The following CNTNAP1 variants were observed in gnomAD, a reference collection of about 807,000 sequenced individuals.
The protein encoded by CNTNAP1 is contactin associated protein 1, also known as contactin-associated protein 1.
In CNTNAP1, 80 loss-of-function variants were observed where a neutral mutation model predicts 161.5. The observed-to-expected ratio is 0.50, with a 90% CI of 0.41 to 0.60. CNTNAP1 has a LOEUF of 0.60. CNTNAP1 is among the 20% of genes least tolerant of loss of function. CNTNAP1 has a pLI of 0.00. For missense variants in CNTNAP1, 1,464 were observed against 1,854.8 expected (o/e 0.79, Z 3.87); for synonymous variants, 695 against 733.1 (o/e 0.95, Z 0.84).
chr17:42,688,047 G>A (rs1396817003), intron 8 of CNTNAP1, 66 bp downstream of exon 8: 15 of 1,561,458 alleles, frequency 9.6e-6, no homozygotes, highest in African/African-American at 1.4e-5. Flanking sequence ...GAAAGTTGTA[G>A]GCCTGGACTG....
rs1024190097 is a variant in CNTNAP1, at chr17:42,687,359, G to A, written c.1044+313G>A. ...GGCTGAGTAGGGACTTGAACCGATGGCTTCTCTGATATGCCCCCCTCAACC... is the reference window on the plus strand; with the variant it reads ...GGCTGAGTAGGGACTTGAACCGATGACTTCTCTGATATGCCCCCCTCAACC... On this transcript the variant is annotated intron_variant, in intron 7 of 23. Coordinates refer to ENST00000264638, the MANE Select transcript of CNTNAP1 (RefSeq NM_003632.3). This position sits in a 1 kb window ranked among gnomAD's most constrained non-coding sequence, Gnocchi z 4.7. The A allele has an allele frequency of 2.0e-6, 1 of 496,536 alleles. No homozygotes were observed. The highest frequency in any genetic ancestry group is 3.6e-6 in the Non-Finnish European group (1 of 278,960). 30.8% of individuals were successfully genotyped at this position (496,536 alleles called of 1,614,324 possible). A position where few individuals can be genotyped will look rare whatever the true frequency, so the allele number is the denominator to read the frequency against.
chr17:42,690,320 G>A, intron 12 of CNTNAP1, 113 bp downstream of exon 12: 1 of 1,314,660 alleles, frequency 7.6e-7, no homozygotes, highest in African/African-American at 1.5e-5. Context: ...CAGAGGGGAA[G>A]GGCATACTGA....
intron 9 of CNTNAP1, 121 bp downstream of exon 9, chr17:42,688,732 C>T: frequency 6.6e-7 from 1 of 1,513,096 alleles, no homozygotes; most frequent in Non-Finnish European, 9.1e-7. Flanking sequence ...CCTCTGGGGC[C>T]TCAGGGAGTG....
intron 20 of CNTNAP1, among the ~76,000 whole-genome samples, chr17:42,696,550 C>T (rs1214415958): frequency 3.3e-5 from 5 of 152,188 alleles, no homozygotes; most frequent in African/African-American, 1.2e-4. Flanking sequence ...CTCGAACACC[C>T]GACCTCAGAT....
chr17:42,699,951 C>CA lies in CNTNAP1; in HGVS notation c.*1042dup. 6.5e-6 allele frequency: 1 copy of CA among 152,896 alleles called. No individual in the cohort carries two copies. Among genetic ancestry groups the CA allele is most frequent in the East Asian group, 1.9e-4 (1 of 5,282 alleles). 9.5% of individuals were successfully genotyped at this position (152,896 alleles called of 1,614,324 possible). On this transcript the variant is annotated 3_prime_UTR_variant, in exon 24 of 24. Coordinates refer to ENST00000264638, the MANE Select transcript of CNTNAP1 (RefSeq NM_003632.3). Reference sequence around the variant, plus strand: ...AGCAGGGTTGAGCCTGCTGTGCTCTCAGACGCGGAGCCGTTCCAATAAAGC... The same window carrying CA: ...AGCAGGGTTGAGCCTGCTGTGCTCTCAAGACGCGGAGCCGTTCCAATAAAGC...
In CNTNAP1 at chr17:42,691,137, G is replaced by A. The variant is rs2053081172; in HGVS notation, c.2060G>A (p.Gly687Glu). 3 of 1,613,690 alleles carry A rather than the reference G, an allele frequency of 1.9e-6. No individual in the cohort carries two copies. Among genetic ancestry groups the A allele is most frequent in the African/African-American group, 1.3e-5 (1 of 74,948 alleles). Residue 687 changes from glycine (G) to glutamate (E), a missense_variant and splice_region_variant, in exon 14 of 24, where the codon GGA becomes GAA. Coordinates refer to ENST00000264638, the MANE Select transcript of CNTNAP1 (RefSeq NM_003632.3). This position sits in a 1 kb window ranked among gnomAD's most constrained non-coding sequence, Gnocchi z 4.3. ...GAAGCTGCCTGCACCTCTTCCCCAG[G>A]AGGCTACCCCTACAGCTTTTGGATT... is the stretch of plus-strand genomic sequence containing the variant. ...CYNSRLLNTA[G>E]GYPYSFWIGR...
Position 42,688,115 on chromosome 17 carries a change from G to A in CNTNAP1, c.1306+134G>A, listed in dbSNP as rs543598005. On this transcript the variant is annotated intron_variant, in intron 8 of 23. Coordinates refer to ENST00000264638, the MANE Select transcript of CNTNAP1 (RefSeq NM_003632.3). Reference sequence around the variant, plus strand: ...GAAGGGGGCAGGGCAGGAGGCCCCAGGGTACTGGGAAAAGGTGGGAGTGGC... The same window carrying A: ...GAAGGGGGCAGGGCAGGAGGCCCCAAGGTACTGGGAAAAGGTGGGAGTGGC... The A allele has an allele frequency of 6.8e-4, 902 of 1,321,450 alleles. 12 individuals carry two copies. In the African/African-American group the frequency reaches 0.01, roughly 15 times the overall value. The allele number at this position is 1,321,450 out of a possible 1,614,324, so 81.9% of individuals were successfully genotyped here.
chr17:42,694,665 C>T (rs2053131592), intron 18 of CNTNAP1, among the ~76,000 whole-genome samples: 1 of 151,312 alleles, frequency 6.6e-6, no homozygotes, highest in African/African-American at 2.4e-5. Flanking sequence ...TCTCCATCTT[C>T]CCACCATCAC....
In CNTNAP1 at chr17:42,684,247, G is replaced by A. The variant is rs2052976673; in HGVS notation, c.363+18G>A. The A allele has an allele frequency of 3.1e-6, 5 of 1,604,862 alleles. No individual in the cohort carries two copies. Among genetic ancestry groups the A allele is most frequent in the Non-Finnish European group, 4.3e-6 (5 of 1,174,240 alleles). On this transcript the variant is annotated intron_variant, in intron 3 of 23. Transcript: ENST00000264638. The stretch of plus-strand genomic sequence containing the variant: ...ACAACTCGGTACTCTGGGCGCCAAG[G>A]CGGTAACACTTGGGGAGCTTCCTCT...
intron 16 of CNTNAP1, among the ~76,000 whole-genome samples, chr17:42,692,197 A>G (rs1053388801): frequency 5.9e-5 from 9 of 152,144 alleles, no homozygotes; most frequent in Admixed American, 5.9e-4. Flanking sequence ...CTTGGCCTTA[A>G]GCCCCTTCCT....
chr17:42,684,952 A>G (rs1398347472), intron 3 of CNTNAP1, 39 bp from the exon 4 acceptor site: 1 of 1,597,668 alleles, frequency 6.3e-7, no homozygotes, highest in Non-Finnish European at 8.5e-7. Flanking sequence ...AAAGAAGCAG[A>G]GGGCAGGACG....
intron 19 of CNTNAP1, 44 bp downstream of exon 19, chr17:42,695,918 G>A (rs761975064): frequency 1.1e-5 from 18 of 1,596,668 alleles, no homozygotes; most frequent in East Asian, 4.5e-5. Flanking sequence ...GCTTCACCCC[G>A]GTGCCCCTAA....
intron 18 of CNTNAP1, 144 bp from the exon 19 acceptor site, chr17:42,695,377 T>C: frequency 1.5e-6 from 1 of 669,420 alleles, no homozygotes; most frequent in South Asian, 1.9e-5. Context: ...ACAGAGGGGC[T>C]CAAGGGGACC....
In CNTNAP1 at chr17:42,689,579, A is replaced by C. The variant is rs780839001; in HGVS notation, c.1687A>C (p.Ile563Leu). The C allele has an allele frequency of 1.9e-6, 3 of 1,613,708 alleles. No individual in the cohort carries two copies. Among genetic ancestry groups the C allele is most frequent in the Non-Finnish European group, 2.5e-6 (3 of 1,179,918 alleles). ...GRCYQSWDDF[I>L]CYCELTGYKG... ...CTGCTACCAGTCTTGGGATGACTTC[A>C]TTTGCTACTGCGAACTGACGGGCTA... The change falls in exon 11 of 24, where the codon ATT becomes CTT. Residue 563 changes from isoleucine to leucine, a missense_variant. Around this residue, in one of 3 missense-constraint regions of CNTNAP1, gnomAD observed 1,383 missense variants for 1,765.0 expected, o/e 0.78. Coordinates refer to ENST00000264638, the MANE Select transcript of CNTNAP1 (RefSeq NM_003632.3).
intron 18 of CNTNAP1, among the ~76,000 whole-genome samples, chr17:42,695,167 G>C (rs938211487): frequency 6.6e-6 from 1 of 152,082 alleles, no homozygotes; most frequent in Non-Finnish European, 1.5e-5. Context: ...GGCTGTTCTC[G>C]AACTCCTGAC....
Position 42,684,106 on chromosome 17 carries a change from C to T in CNTNAP1, c.240C>T (p.His80=), listed in dbSNP as rs1367145833. ...PWLQIDLMKK[H]RIRAVATQGS... ...TCCAGATAGACTTAATGAAGAAGCA[C>T]CGGATCCGGGCCGTGGCCACACAGG... The change falls in exon 3 of 24, where the codon CAC becomes CAT. Residue 80 remains histidine, a synonymous_variant. Transcript: ENST00000264638. 3.1e-6 allele frequency: 5 copies of T among 1,614,098 alleles called. No homozygotes were observed. The Admixed American group carries it at 6.7e-5, about 22-fold the overall frequency.
At chr17:42,697,530 T>C (rs758308097) in intron 21 of CNTNAP1, 24 bp from the exon 22 acceptor site, 2 of 1,613,224 alleles carry the variant, frequency 1.2e-6, no homozygotes, top group Non-Finnish European at 1.7e-6. Flanking sequence ...CAAGTCCCTC[T>C]TTCTGGGCCT....
At chr17:42,686,469 GTTTTTTTTT>G (rs748366958) in intron 6 of CNTNAP1, among the ~76,000 whole-genome samples, 1 of 71,374 alleles carries the variant, frequency 1.4e-5, no homozygotes, top group Non-Finnish European at 2.6e-5. Flanking sequence ...AAAAAGGCCT[GTTTTTTTTT>G]TTTTTTTTTT....
chr17:42,698,473 G>GTA lies in CNTNAP1; in HGVS notation c.3863-144_3863-143insAT, dbSNP rs2053179937. 4.7e-6 allele frequency: 3 copies of GTA among 633,656 alleles called. No individual in the cohort carries two copies. In the Admixed American group the frequency reaches 8.7e-5, roughly 18 times the overall value. The allele number at this position is 633,656 out of a possible 1,614,324, so 39.3% of individuals were successfully genotyped here. On this transcript the variant is annotated intron_variant, in intron 23 of 23. Coordinates refer to ENST00000264638, the MANE Select transcript of CNTNAP1 (RefSeq NM_003632.3). ...TGTGTGTGTGTGTGTGTGTGTGTGT[G>GTA]TGTGTGTGCAGGTGAAATCCCAAAG...
Sources: allele counts gnomAD v4.1 joint callset (sites outside exome capture counted in the v4.1 genomes callset), GRCh38; gene constraint gnomAD v4.1.1; regional missense constraint gnomAD v4.1.1; non-coding constraint Gnocchi (gnomAD v3.1); transcripts MANE v1.5; gene names NCBI Gene and HGNC (gene_info 2026-07-23, HGNC 2026-07-21).